DOCK11: variants seen among roughly 807,000 people sequenced by gnomAD.
The protein encoded by DOCK11 is dedicator of cytokinesis 11.
In DOCK11, 70 loss-of-function variants were observed where a neutral mutation model predicts 169.1. That is an observed-to-expected ratio of 0.41 (90% CI 0.34 to 0.51). The LOEUF (loss-of-function observed/expected upper bound fraction) is 0.51. Among genes scored for constraint, DOCK11 ranks in the 20% least tolerant of loss-of-function variants. The pLI is 0.10. For synonymous variants in DOCK11, 529 were observed against 541.3 expected (o/e 0.98, Z 0.32); for missense variants, 1,166 against 1,538.8 (o/e 0.76, Z 4.05).
At chrX:118,680,918 C>T in intron 49 of DOCK11, 140 bp from the exon 50 acceptor site, 1 of 604,825 alleles carries the variant, frequency 1.7e-6, no homozygotes, top group Non-Finnish European at 2.5e-6. Flanking sequence ...TCTCTGAATC[C>T]TGAAGTACTA....
intron 21 of DOCK11, 62 bp downstream of exon 21, chrX:118,597,614 T>C (rs1482791541): frequency 8.5e-7 from 1 of 1,170,311 alleles, no homozygotes; most frequent in African/African-American, 1.8e-5. Flanking sequence ...TAGAATTCTG[T>C]TGGTCTCGAT....
At position 118,542,720 on chromosome X, in the gene DOCK11, T is replaced by C. The variant is rs1337223907; in HGVS notation, c.103-5T>C. 1.7e-6 allele frequency: 2 copies of C among 1,187,565 alleles called. No individual in the cohort carries two copies. The highest frequency in any genetic ancestry group is 4.5e-5 in the Admixed American group (2 of 44,608). ...ATAATAACTTTACTTTTGTCTCTTA[T>C]AAAGGAAAAGGCCAAAGTTGTTGAG... On this transcript the variant is annotated splice_region_variant and splice_polypyrimidine_tract_variant and intron_variant, in intron 1 of 52. Coordinates refer to ENST00000276202, the MANE Select transcript of DOCK11 (RefSeq NM_144658.4).
At chrX:118,681,471 C>A (rs1260504151) in intron 50 of DOCK11, among the ~76,000 whole-genome samples, 1 of 112,126 alleles carries the variant, frequency 8.9e-6, no homozygotes, top group East Asian at 2.8e-4. Flanking sequence ...GTAGCGAAGC[C>A]CTGTATGTAC....
At chrX:118,520,370 C>G (rs1012889825) in intron 1 of DOCK11, among the ~76,000 whole-genome samples, 1 of 112,374 alleles carries the variant, frequency 8.9e-6, no homozygotes, top group Non-Finnish European at 1.9e-5. Flanking sequence ...GTCCAGAAAG[C>G]CCACTCCCTG....
intron 1 of DOCK11, among the ~76,000 whole-genome samples, chrX:118,511,439 A>G (rs180905436): frequency 5.9e-4 from 66 of 112,424 alleles, no homozygotes; most frequent in African/African-American, 1.9e-3. Context: ...AATATCTACT[A>G]ATTATTAAAT....
At chrX:118,682,273 A>G (rs1356312268) in intron 51 of DOCK11, among the ~76,000 whole-genome samples, 1 of 110,872 alleles carries the variant, frequency 9.0e-6, no homozygotes, top group East Asian at 2.8e-4. Flanking sequence ...TTAGGCATGT[A>G]TGAATGCTCC....
At chrX:118,664,969 T>A (rs1458217389) in intron 45 of DOCK11, among the ~76,000 whole-genome samples, 1 of 112,598 alleles carries the variant, frequency 8.9e-6, no homozygotes, top group Admixed American at 9.4e-5. Context: ...ATTGATTTTT[T>A]AAAATACACA....
At position 118,649,030 on chromosome X, in the gene DOCK11, G is replaced by T. The variant is rs1204622380; in HGVS notation, c.4484G>T (p.Ser1495Ile). 1 of 1,208,812 alleles carries T rather than the reference G, an allele frequency of 8.3e-7. No individual in the cohort carries two copies. The change falls in exon 41 of 53, where the codon AGC becomes ATC. Residue 1495 changes from serine to isoleucine, a missense_variant. Ser to Ile is a moderately radical substitution (Grantham distance 142). Transcript: ENST00000276202. ...TTAAAGTGCTGCACATCGAAGATTAGCTCAACCAGGAATGAAGCATCTGCA... is the reference window on the plus strand; with the variant it reads ...TTAAAGTGCTGCACATCGAAGATTATCTCAACCAGGAATGAAGCATCTGCA... ...EVLKCCTSKI[S>I]STRNEASALL...
intron 44 of DOCK11, among the ~76,000 whole-genome samples, chrX:118,656,868 G>A (rs764148620): frequency 5.4e-5 from 6 of 111,149 alleles, no homozygotes; most frequent in Admixed American, 9.6e-5. Flanking sequence ...GGAGGCGGAG[G>A]TTGCAGTGAG....
intron 23 of DOCK11, among the ~76,000 whole-genome samples, chrX:118,603,463 A>G (rs1943004589): frequency 8.9e-6 from 1 of 112,147 alleles, no homozygotes; most frequent in South Asian, 3.7e-4. Flanking sequence ...GGGAATGCCC[A>G]TCTCTCTTTT....
chrX:118,579,703 C>T (rs1039470169), intron 13 of DOCK11, among the ~76,000 whole-genome samples: 1 of 111,921 alleles, frequency 8.9e-6, no homozygotes, highest in African/African-American at 3.3e-5. Flanking sequence ...GTGACTTGCT[C>T]CTTGTCTTGG....
chrX:118,623,305 T>A (rs1461370352), intron 31 of DOCK11, among the ~76,000 whole-genome samples: 1 of 112,647 alleles, frequency 8.9e-6, no homozygotes, highest in African/African-American at 3.2e-5. Context: ...ATAGACTTAT[T>A]CTTTGTAGCT....
intron 24 of DOCK11, among the ~76,000 whole-genome samples, chrX:118,606,860 C>T (rs749395323): frequency 3.2e-4 from 35 of 111,010 alleles, no homozygotes; most frequent in African/African-American, 1.1e-3. Flanking sequence ...GGGAGAGGGG[C>T]TGAGCAATCT....
At chrX:118,614,552 G>T in intron 28 of DOCK11, 140 bp from the exon 29 acceptor site, 1 of 475,560 alleles carries the variant, frequency 2.1e-6, no homozygotes, top group Non-Finnish European at 3.6e-6. Flanking sequence ...GTCACCTGAA[G>T]CTCAGAAAGT....
rs59721327 is a variant in DOCK11 at position 118,546,210 on chromosome X, C to CCAAA, written c.558+94_558+95insCAAA. On this transcript the variant is annotated intron_variant, in intron 6 of 52. Transcript: ENST00000276202. ...ATATTTATTTTACAAAGAGCCCTAG[C>CCAAA]AAAAAAAAAAAAAAAAAAAAAGGAG... 4.7e-4 allele frequency: 23 copies of CCAAA among 49,301 alleles called. 1 individual carries two copies. Among genetic ancestry groups the CCAAA allele is most frequent in the South Asian group, 1.3e-3 (1 of 742 alleles). The allele number at this position is 49,301 out of a possible 1,213,427, so 4.1% of individuals were successfully genotyped here.
At chrX:118,607,112 C>CTTTTTTT (rs776058680) in intron 24 of DOCK11, among the ~76,000 whole-genome samples, 1 of 63,002 alleles carries the variant, frequency 1.6e-5, no homozygotes, top group Non-Finnish European at 3.1e-5. Context: ...TCCTTTCCTT[C>CTTTTTTT]TTTTTTTTTT....
Position 118,676,703 on chromosome X carries a change from C to T in DOCK11, c.5426C>T (p.Thr1809Met), listed in dbSNP as rs145509866. The change falls in exon 48 of 53, where the codon ACG becomes ATG. Residue 1809 changes from threonine to methionine, a missense_variant. Coordinates refer to ENST00000276202, the MANE Select transcript of DOCK11 (RefSeq NM_144658.4). ...AAACTTTATGGTGAAAAGTTTGGTA[C>T]GGAGAATGTCAAAATAATTCAGGAT... ...LVKLYGEKFG[T>M]ENVKIIQDSD... 6.1e-5 allele frequency: 73 copies of T among 1,201,484 alleles called. No individual in the cohort carries two copies. The highest frequency in any genetic ancestry group is 4.7e-4 in the African/African-American group (27 of 56,952).
chrX:118,566,336 T>A (rs1247299394), intron 8 of DOCK11, among the ~76,000 whole-genome samples, 154 bp downstream of exon 8: 2 of 112,300 alleles, frequency 1.8e-5, no homozygotes, highest in East Asian at 5.5e-4. Flanking sequence ...AGACTTTTTT[T>A]AAACAGTTGA....
Position 118,585,059 on chromosome X carries a change from G to T in DOCK11, c.1737G>T (p.Leu579=). Residue 579 remains leucine, a synonymous_variant, in exon 16 of 53, where the codon CTG becomes CTT. Coordinates refer to ENST00000276202, the MANE Select transcript of DOCK11 (RefSeq NM_144658.4). ...SEYKKPEKTK[L]QIIPGQLNIT... ...TACCCAGGCCAGAAAAGACCAAACT[G>T]CAGATTATTCCTGGGCAGCTAAACA... 1 of 1,210,042 alleles carries T rather than the reference G, an allele frequency of 8.3e-7. No homozygotes were observed. The highest frequency in any genetic ancestry group is 1.1e-6 in the Non-Finnish European group (1 of 894,057).
Sources: allele counts gnomAD v4.1 joint callset (sites outside exome capture counted in the v4.1 genomes callset), GRCh38; gene constraint gnomAD v4.1.1; transcripts MANE v1.5; gene names NCBI Gene and HGNC (gene_info 2026-07-23, HGNC 2026-07-21).